The following SNX9 variants were observed in gnomAD, a reference collection of about 807,000 sequenced individuals.
The protein encoded by SNX9 is sorting nexin-9.
A neutral mutation model predicts 89.4 loss-of-function variants in SNX9; 44 were observed. The ratio of observed to expected loss-of-function variants is 0.49; its 90% CI spans 0.39 to 0.63. The LOEUF is 0.63. Among genes scored for constraint, SNX9 ranks in the 30% least tolerant of loss-of-function variants. The probability of loss-of-function intolerance (pLI) is 0.00; values close to 1 mark genes in which losing one functional copy is unlikely to be tolerated. For synonymous variants in SNX9, 236 were observed against 247.8 expected (o/e 0.95, Z 0.45); for missense variants, 578 against 736.1 (o/e 0.79, Z 2.49).
intron 1 of SNX9, among the ~76,000 whole-genome samples, chr6:157,829,902 G>A (rs1279356340): frequency 6.6e-6 from 1 of 152,076 alleles, no homozygotes; most frequent in East Asian, 1.9e-4. Context: ...TAGATTGTAG[G>A]AGCCCACTCC....
chr6:157,824,096 T>C (rs1410069880), intron 1 of SNX9, among the ~76,000 whole-genome samples: 1 of 152,254 alleles, frequency 6.6e-6, no homozygotes, highest in Non-Finnish European at 1.5e-5. Context: ...TGACTGTGCT[T>C]TCGATTACGT....
At chr6:157,874,970 T>G in intron 3 of SNX9, 81 bp from the exon 4 acceptor site, 2 of 1,476,670 alleles carry the variant, frequency 1.4e-6, no homozygotes, top group Non-Finnish European at 1.8e-6. Flanking sequence ...AAACCCTTTT[T>G]GACAATTCTT....
intron 11 of SNX9, 59 bp downstream of exon 11, chr6:157,927,273 C>A: frequency 1.6e-6 from 2 of 1,255,006 alleles, no homozygotes; most frequent in Non-Finnish European, 2.3e-6. Context: ...CTTTGGCCAT[C>A]AGGCTTCAGC....
chr6:157,888,587 A>C (rs1431856856), intron 4 of SNX9, among the ~76,000 whole-genome samples: 1 of 152,210 alleles, frequency 6.6e-6, no homozygotes, highest in African/African-American at 2.4e-5. Flanking sequence ...ATTTTGGCTC[A>C]GATTGGTTGT....
intron 4 of SNX9, among the ~76,000 whole-genome samples, chr6:157,875,958 C>T (rs561248673): frequency 2.7e-5 from 4 of 149,480 alleles, no homozygotes; most frequent in South Asian, 2.1e-4. Flanking sequence ...CTGGGCAACA[C>T]GATGAAACCC....
intron 1 of SNX9, among the ~76,000 whole-genome samples, chr6:157,834,162 T>TG (rs1781532166): frequency 9.8e-6 from 1 of 101,724 alleles, no homozygotes; most frequent in African/African-American, 4.7e-5. Flanking sequence ...TTTTTTTTTT[T>TG]TTTTTTTTTT....
At chr6:157,843,872 C>CTTTTT (rs1006138414) in intron 1 of SNX9, among the ~76,000 whole-genome samples, 11 of 120,682 alleles carry the variant, frequency 9.1e-5, no homozygotes, top group African/African-American at 1.6e-4. Context: ...TCCCATTTGT[C>CTTTTT]TTTTTTTTTT....
At chr6:157,885,325 C>T (rs1026829645) in intron 4 of SNX9, 3 of 152,100 alleles carry the variant, frequency 2.0e-5, no homozygotes, top group South Asian at 2.1e-4. Flanking sequence ...TTATGTTCCA[C>T]CAGTGGTTTT....
At chr6:157,892,441 G>A (rs1782882937) in intron 4 of SNX9, among the ~76,000 whole-genome samples, 1 of 151,932 alleles carries the variant, frequency 6.6e-6, no homozygotes, top group South Asian at 2.1e-4. Flanking sequence ...ATCAGCAGGA[G>A]TTGGGTTGAA....
In SNX9 at chr6:157,927,161, C is replaced by T; in HGVS notation, c.1131C>T (p.Val377=). 1 of 1,614,138 alleles carries T rather than the reference C, an allele frequency of 6.2e-7. No individual in the cohort carries two copies. The change falls in exon 11 of 18, where the codon GTC becomes GTT. Residue 377 remains valine, a synonymous_variant. Coordinates refer to ENST00000392185, the MANE Select transcript of SNX9 (RefSeq NM_016224.5). ...CCGAGAGAGATGAGCTGGCGGGAGT[C>T]ATGATATTTTCCACCATGGAACCAG... ...RKAERDELAG[V]MIFSTMEPEA...
chr6:157,889,440 A>G (rs1782809603), intron 4 of SNX9, among the ~76,000 whole-genome samples: 1 of 151,638 alleles, frequency 6.6e-6, no homozygotes. Context: ...CAAAAAAAAA[A>G]AAAAAAAAAA....
At chr6:157,842,410 A>G (rs991653481) in intron 1 of SNX9, among the ~76,000 whole-genome samples, 4 of 152,172 alleles carry the variant, frequency 2.6e-5, no homozygotes, top group Admixed American at 6.5e-5. Context: ...GCAACTGCCC[A>G]ATGGGTTCAC....
At chr6:157,847,906 T>C (rs1250922772) in intron 1 of SNX9, among the ~76,000 whole-genome samples, 1 of 152,184 alleles carries the variant, frequency 6.6e-6, no homozygotes, top group Non-Finnish European at 1.5e-5. Flanking sequence ...TTATTTGGCC[T>C]CTGGCATTGT....
chr6:157,906,329 C>T (rs1418071227), intron 7 of SNX9, 117 bp downstream of exon 7: 1 of 725,242 alleles, frequency 1.4e-6, no homozygotes, highest in Non-Finnish European at 2.2e-6. Flanking sequence ...ATTTAATGCC[C>T]CACATAACTG....
intron 1 of SNX9, among the ~76,000 whole-genome samples, chr6:157,858,673 G>T (rs1782061058): frequency 6.6e-6 from 1 of 152,146 alleles, no homozygotes; most frequent in Admixed American, 6.5e-5. Context: ...CCTGAGACTG[G>T]GTAATTTATA....
intron 4 of SNX9, among the ~76,000 whole-genome samples, chr6:157,881,575 A>G (rs1311766851): frequency 6.6e-6 from 1 of 152,234 alleles, no homozygotes; most frequent in Admixed American, 6.5e-5. Context: ...ACACTTAGCC[A>G]AGTTGTGACT....
chr6:157,915,285 C>T (rs947012548), intron 9 of SNX9, among the ~76,000 whole-genome samples: 2 of 151,980 alleles, frequency 1.3e-5, no homozygotes, highest in African/African-American at 4.8e-5. Context: ...TTTCTTTTGC[C>T]TTTCCTAGTA....
chr6:157,824,070 AATATC>A (rs757202814), intron 1 of SNX9, among the ~76,000 whole-genome samples: 7 of 152,222 alleles, frequency 4.6e-5, no homozygotes, highest in African/African-American at 7.2e-5. Flanking sequence ...GCATGAATAA[AATATC>A]AAGAGGGAAA....
Position 157,932,202 on chromosome 6 carries a change from C to T in SNX9, c.1296C>T (p.Pro432=), listed in dbSNP as rs771979972. ...EHWKRCTGPL[P]KEYQKIGKAL... is the part of the protein sequence containing the mutation. ...TTCCTTTTTGTCTTTCAGCATTACC[C>T]AAGGAATATCAGAAGATAGGAAAGG... Residue 432 remains proline, a synonymous_variant, in exon 13 of 18, where the codon CCC becomes CCT. Transcript: ENST00000392185. 1.9e-6 allele frequency: 3 copies of T among 1,614,032 alleles called. No homozygotes were observed. Among genetic ancestry groups the T allele is most frequent in the Non-Finnish European group, 2.5e-6 (3 of 1,179,922 alleles).
Sources: gnomAD v4.1 joint callset for allele counts (sites outside exome capture counted in the v4.1 genomes callset) on GRCh38, gnomAD v4.1.1 for gene constraint, MANE v1.5 for transcripts, NCBI Gene and HGNC (gene_info 2026-07-23, HGNC 2026-07-21) for gene names.